Variants in IMMP2L observed in about 807,000 individuals in gnomAD.
IMMP2L encodes the protein inner mitochondrial membrane peptidase subunit 2.
IMMP2L carries 18 observed loss-of-function variants against 19.3 expected under a neutral mutation model. The ratio of observed to expected loss-of-function variants is 0.93; its 90% CI spans 0.64 to 1.38. The LOEUF is 1.38. Ranked by LOEUF, IMMP2L falls within the 40% of genes most tolerant of loss-of-function variation. IMMP2L has a pLI of 0.00. For missense variants in IMMP2L, 233 were observed against 218.2 expected (o/e 1.07, Z -0.43); for synonymous variants, 76 against 73.0 (o/e 1.04, Z -0.21).
intron 3 of IMMP2L, among the ~76,000 whole-genome samples, chr7:111,054,043 A>T (rs1793257992): frequency 6.6e-5 from 1 of 15,042 alleles, no homozygotes. Flanking sequence ...TAATGACAGG[A>T]AAATAAAAAA....
intron 3 of IMMP2L, among the ~76,000 whole-genome samples, chr7:111,022,491 G>A (rs146504015): frequency 6.6e-6 from 1 of 152,258 alleles, no homozygotes; most frequent in African/African-American, 2.4e-5. Context: ...CCCAAGAAGT[G>A]TTAGGAAAGG....
intron 4 of IMMP2L, among the ~76,000 whole-genome samples, chr7:110,934,894 G>T (rs531330331): frequency 6.6e-6 from 1 of 152,106 alleles, no homozygotes; most frequent in African/African-American, 2.4e-5. Flanking sequence ...GTGTGTCTTT[G>T]CATGTAAGAT....
intron 3 of IMMP2L, among the ~76,000 whole-genome samples, chr7:111,016,823 TA>T (rs1563163082): frequency 8.8e-5 from 5 of 56,538 alleles, no homozygotes; most frequent in East Asian, 1.1e-3. Context: ...ATATTATATA[TA>T]ATATATAGTA....
intron 3 of IMMP2L, among the ~76,000 whole-genome samples, chr7:111,158,113 T>C (rs1401582763): frequency 3.3e-5 from 5 of 151,856 alleles, no homozygotes; most frequent in African/African-American, 9.7e-5. Context: ...ATACTCTATA[T>C]ACAAAAATAA....
intron 5 of IMMP2L, among the ~76,000 whole-genome samples, chr7:110,790,210 C>T (rs1230226865): frequency 6.6e-6 from 1 of 151,516 alleles, no homozygotes; most frequent in Non-Finnish European, 1.5e-5. Flanking sequence ...ACCAGCCTGA[C>T]TTGCTTGAGA....
At chr7:111,195,957 C>A (rs770775094) in intron 3 of IMMP2L, among the ~76,000 whole-genome samples, 2 of 152,048 alleles carry the variant, frequency 1.3e-5, no homozygotes, top group Non-Finnish European at 2.9e-5. Flanking sequence ...CCCTCGAACT[C>A]CTGGGCTCAA....
At chr7:111,125,606 T>C (rs752990126) in intron 3 of IMMP2L, among the ~76,000 whole-genome samples, 3 of 152,142 alleles carry the variant, frequency 2.0e-5, no homozygotes, top group African/African-American at 4.8e-5. Flanking sequence ...CAGAAAGCAT[T>C]TAATCAATAT....
At chr7:111,241,117 G>A (rs1315683432) in intron 3 of IMMP2L, among the ~76,000 whole-genome samples, 1 of 151,800 alleles carries the variant, frequency 6.6e-6, no homozygotes, top group South Asian at 2.1e-4. Context: ...TGTTTCAATT[G>A]TGCTTAATTT....
chr7:111,308,043 A>G (rs1823071276), intron 3 of IMMP2L, among the ~76,000 whole-genome samples: 1 of 151,918 alleles, frequency 6.6e-6, no homozygotes, highest in Admixed American at 6.6e-5. Flanking sequence ...ATATAGTTCA[A>G]CTCAGTCTCT....
chr7:111,269,402 C>A (rs1036434164), intron 3 of IMMP2L, among the ~76,000 whole-genome samples: 1 of 152,106 alleles, frequency 6.6e-6, no homozygotes, highest in Non-Finnish European at 1.5e-5. Context: ...TATATATCAT[C>A]TTGAAAGACA....
intron 5 of IMMP2L, among the ~76,000 whole-genome samples, chr7:110,672,069 A>G (rs981960736): frequency 6.6e-6 from 1 of 152,142 alleles, no homozygotes; most frequent in Admixed American, 6.5e-5. Context: ...TTATTCCATT[A>G]TCATGCTGCT....
chr7:111,407,359 G>T (rs1437632294), intron 3 of IMMP2L, among the ~76,000 whole-genome samples: 1 of 151,942 alleles, frequency 6.6e-6, no homozygotes, highest in Non-Finnish European at 1.5e-5. Context: ...AATTATAAAA[G>T]CATATTCATG....
chr7:111,083,674 G>T (rs1796071104), intron 3 of IMMP2L, among the ~76,000 whole-genome samples: 1 of 152,182 alleles, frequency 6.6e-6, no homozygotes, highest in South Asian at 2.1e-4. Flanking sequence ...GTGAAAAGGG[G>T]AAAGTCCCTG....
chr7:110,746,672 A>G (rs932753947), intron 5 of IMMP2L, among the ~76,000 whole-genome samples: 2 of 152,210 alleles, frequency 1.3e-5, no homozygotes, highest in African/African-American at 4.8e-5. Context: ...TAACAAAATG[A>G]AGGCAGAAAT....
intron 5 of IMMP2L, among the ~76,000 whole-genome samples, chr7:110,794,822 A>G (rs1379667732): frequency 6.6e-6 from 1 of 152,132 alleles, no homozygotes; most frequent in Non-Finnish European, 1.5e-5. Context: ...ATATAAATAA[A>G]TAACGAATAC....
intron 2 of IMMP2L, 51 bp downstream of exon 2, chr7:111,521,262 T>C (rs2132672124): frequency 1.3e-6 from 2 of 1,557,010 alleles, no homozygotes. Context: ...TTCTAGTGCT[T>C]GAAAAACAAT....
intron 3 of IMMP2L, among the ~76,000 whole-genome samples, chr7:111,438,620 T>C (rs1356206698): frequency 6.6e-6 from 1 of 151,938 alleles, no homozygotes; most frequent in Non-Finnish European, 1.5e-5. Flanking sequence ...GAAATGATAA[T>C]GAAATATAAA....
chr7:110,956,736 A>T (rs940645589), intron 4 of IMMP2L, among the ~76,000 whole-genome samples: 1 of 151,930 alleles, frequency 6.6e-6, no homozygotes, highest in African/African-American at 2.4e-5. Flanking sequence ...GAGATTCCAA[A>T]ATTCTATAAA....
chr7:110,667,801 T>C (rs887649301), intron 5 of IMMP2L, among the ~76,000 whole-genome samples: 2 of 152,202 alleles, frequency 1.3e-5, no homozygotes, highest in African/African-American at 4.8e-5. Context: ...TGTAAGGAGA[T>C]ACATTTATGG....
Sources: gnomAD v4.1 joint callset for allele counts (sites outside exome capture counted in the v4.1 genomes callset) on GRCh38, gnomAD v4.1.1 for gene constraint, MANE v1.5 for transcripts, NCBI Gene and HGNC (gene_info 2026-07-23, HGNC 2026-07-21) for gene names.